The following QRICH1 variants were observed in gnomAD, a reference collection of about 807,000 sequenced individuals.
The protein encoded by QRICH1 is glutamine rich 1, also known as transcriptional regulator QRICH1.
A neutral mutation model predicts 87.1 loss-of-function variants in QRICH1; 16 were observed. The observed-to-expected ratio is 0.18, with a 90% CI of 0.12 to 0.28. The LOEUF is 0.28. QRICH1 is among the 10% of genes least tolerant of loss of function. The probability of loss-of-function intolerance (pLI) is 1.00; values close to 1 mark genes in which losing one functional copy is unlikely to be tolerated. For synonymous variants in QRICH1, 367 were observed against 368.4 expected (o/e 1.00, Z 0.05); for missense variants, 647 against 951.7 (o/e 0.68, Z 4.21).
chr3:49,035,000 AAT>A (rs2093266169), intron 6 of QRICH1, among the ~76,000 whole-genome samples: 1 of 152,188 alleles, frequency 6.6e-6, no homozygotes. Flanking sequence ...CTGGCTCTCT[AAT>A]AGTGCATTTC....
chr3:49,084,867 G>A (rs2107025864), intron 1 of QRICH1, among the ~76,000 whole-genome samples: 1 of 152,278 alleles, frequency 6.6e-6, no homozygotes, highest in South Asian at 2.1e-4. Flanking sequence ...TTCCACAAGT[G>A]GTATTAATCT....
intron 1 of QRICH1, among the ~76,000 whole-genome samples, chr3:49,091,618 G>C (rs1319611939): frequency 6.6e-6 from 1 of 152,122 alleles, no homozygotes; most frequent in African/African-American, 2.4e-5. Flanking sequence ...AAGAGTTATA[G>C]GAAAAATTCA....
At chr3:49,048,366 G>A (rs2093350649) in intron 3 of QRICH1, among the ~76,000 whole-genome samples, 1 of 151,484 alleles carries the variant, frequency 6.6e-6, no homozygotes, top group African/African-American at 2.4e-5. Context: ...CCCATCTTCA[G>A]GTGATCCGCC....
In QRICH1 at chr3:49,077,034, G is replaced by A. The variant is rs756539354; in HGVS notation, c.-17C>T. On this transcript the variant is annotated 5_prime_UTR_variant, in exon 2 of 10. Transcript: ENST00000395443. ...ATTATTCATATTGCAGAGTCCTTAG[G>A]GTTCCTAGAAATAAACAGAAGTCAA... The A allele has an allele frequency of 2.9e-6, 4 of 1,384,704 alleles. No individual in the cohort carries two copies. Among genetic ancestry groups the A allele is most frequent in the Non-Finnish European group, 3.8e-6 (4 of 1,048,584 alleles). 85.8% of individuals were successfully genotyped at this position (1,384,704 alleles called of 1,614,324 possible).
intron 6 of QRICH1, among the ~76,000 whole-genome samples, chr3:49,040,844 T>G (rs1041385554): frequency 3.9e-5 from 6 of 152,220 alleles, no homozygotes; most frequent in African/African-American, 1.4e-4. Flanking sequence ...AAGTGATAAA[T>G]GACATGTTAC....
At chr3:49,040,930 C>A (rs1362574888) in intron 6 of QRICH1, among the ~76,000 whole-genome samples, 2 of 152,142 alleles carry the variant, frequency 1.3e-5, no homozygotes, top group Non-Finnish European at 2.9e-5. Context: ...AGTAGTATTT[C>A]ATTACTTCAA....
At chr3:49,084,310 T>C (rs916502671) in intron 1 of QRICH1, among the ~76,000 whole-genome samples, 4 of 150,832 alleles carry the variant, frequency 2.7e-5, no homozygotes, top group Non-Finnish European at 4.4e-5. Flanking sequence ...GGCTGGAGCG[T>C]AGTGGCACGA....
upstream of QRICH1, chr3:49,094,345 G>A (rs981220743): frequency 3.5e-6 from 1 of 284,784 alleles, no homozygotes; most frequent in East Asian, 5.8e-5. Flanking sequence ...ACCTTCCGTC[G>A]CCCGCCAGAG....
intron 5 of QRICH1, among the ~76,000 whole-genome samples, chr3:49,045,793 TG>T (rs1392012522): frequency 1.3e-5 from 2 of 152,150 alleles, no homozygotes; most frequent in East Asian, 3.9e-4. Context: ...GGTTTCACTA[TG>T]TTGCCTAGGC....
At chr3:49,070,405 G>C (rs779801959) in intron 2 of QRICH1, among the ~76,000 whole-genome samples, 1 of 151,732 alleles carries the variant, frequency 6.6e-6, no homozygotes, top group Non-Finnish European at 1.5e-5. Context: ...TTTTTAAATG[G>C]TATTCATTTT....
At chr3:49,078,384 TCC>T (rs1330138537) in intron 1 of QRICH1, among the ~76,000 whole-genome samples, 1 of 133,428 alleles carries the variant, frequency 7.5e-6, no homozygotes, top group Non-Finnish European at 1.6e-5. Flanking sequence ...GAATTATGGT[TCC>T]TTTTTTTTTT....
chr3:49,078,930 G>A (rs2042004855), intron 1 of QRICH1, among the ~76,000 whole-genome samples: 1 of 151,906 alleles, frequency 6.6e-6, no homozygotes, highest in Admixed American at 6.6e-5. Context: ...GACTTCAGGT[G>A]ACCCTCCCGC....
chr3:49,089,700 A>T (rs1248951308), intron 1 of QRICH1, among the ~76,000 whole-genome samples: 1 of 152,256 alleles, frequency 6.6e-6, no homozygotes, highest in Non-Finnish European at 1.5e-5. Context: ...CAAATTTCAG[A>T]AACATTATGC....
chr3:49,060,578 C>T (rs2093428994), intron 2 of QRICH1, among the ~76,000 whole-genome samples: 1 of 152,072 alleles, frequency 6.6e-6, no homozygotes, highest in Non-Finnish European at 1.5e-5. Flanking sequence ...GATCCACCAG[C>T]CTTGGCCTCC....
intron 3 of QRICH1, among the ~76,000 whole-genome samples, chr3:49,056,310 ACATAGACGG>A (rs370456079): frequency 9.2e-5 from 14 of 152,104 alleles, no homozygotes; most frequent in African/African-American, 3.4e-4. Context: ...AGGTCCCACC[ACATAGACGG>A]CATATTCAAG....
intron 1 of QRICH1, among the ~76,000 whole-genome samples, chr3:49,078,380 T>C (rs994244755): frequency 7.0e-6 from 1 of 143,864 alleles, no homozygotes; most frequent in Non-Finnish European, 1.5e-5. Context: ...CGAAGAATTA[T>C]GGTTCCTTTT....
chr3:49,092,190 ACT>A (rs1007368863), intron 1 of QRICH1: 1 of 152,180 alleles, frequency 6.6e-6, no homozygotes, highest in Non-Finnish European at 1.5e-5. Context: ...TGCGGGTTCC[ACT>A]GACTTATATC....
At chr3:49,076,598 T>TA (rs2041956749) in intron 2 of QRICH1, 111 bp downstream of exon 2, 2 of 1,044,452 alleles carry the variant, frequency 1.9e-6, no homozygotes, top group East Asian at 2.9e-5. Context: ...TTGAAAATCT[T>TA]AGTGTTAAAT....
intron 3 of QRICH1, among the ~76,000 whole-genome samples, chr3:49,048,507 G>A (rs2093351689): frequency 6.7e-6 from 1 of 150,298 alleles, no homozygotes; most frequent in Admixed American, 6.6e-5. Flanking sequence ...AACCCACCCT[G>A]GCCGGGTGCA....
Sources: allele counts gnomAD v4.1 joint callset (sites outside exome capture counted in the v4.1 genomes callset), GRCh38; gene constraint gnomAD v4.1.1; transcripts MANE v1.5; gene names NCBI Gene and HGNC (gene_info 2026-07-23, HGNC 2026-07-21).